Variants in AXDND1 observed in about 807,000 individuals in gnomAD.
AXDND1 encodes axonemal dynein light chain domain-containing protein 1.
A neutral mutation model predicts 137.5 loss-of-function variants in AXDND1; 110 were observed. The ratio of observed to expected loss-of-function variants is 0.80; its 90% confidence interval spans 0.69 to 0.94. The LOEUF (loss-of-function observed/expected upper bound fraction) is 0.94. Ranked by LOEUF, AXDND1 falls within the 40% of genes least tolerant of loss-of-function variation. The probability of loss-of-function intolerance (pLI) is 0.00; values close to 1 mark genes in which losing one functional copy is unlikely to be tolerated. For missense variants in AXDND1, 1,191 were observed against 1,169.8 expected (o/e 1.02, Z -0.26); for synonymous variants, 414 against 399.7 (o/e 1.04, Z -0.43).
At chr1:179,513,040 G>A (rs539180421) in intron 21 of AXDND1, among the ~76,000 whole-genome samples, 34 of 152,194 alleles carry the variant, frequency 2.2e-4, no homozygotes, top group Admixed American at 2.0e-3. Flanking sequence ...TACCAATTTG[G>A]GTGTCCTTTA....
intron 9 of AXDND1, among the ~76,000 whole-genome samples, chr1:179,389,061 A>G (rs998152982): frequency 7.9e-6 from 1 of 126,654 alleles, no homozygotes; most frequent in Non-Finnish European, 1.6e-5. Flanking sequence ...TGCAACCTCC[A>G]CCTCCGCATT....
At chr1:179,382,200 T>G (rs1648473200) in intron 6 of AXDND1, among the ~76,000 whole-genome samples, 1 of 151,946 alleles carries the variant, frequency 6.6e-6, no homozygotes, top group Non-Finnish European at 1.5e-5. Flanking sequence ...TGCCTCAGCC[T>G]CCTGAGTAGC....
chr1:179,553,896 C>T (rs34816244), intron 25 of AXDND1, among the ~76,000 whole-genome samples: 24,291 of 150,166 alleles, frequency 0.16, 2,467 homozygotes, highest in East Asian at 0.35. Context: ...CAGGCATTTG[C>T]CAACACCCCT....
At chr1:179,490,649 C>T (rs1253315816) in intron 18 of AXDND1, among the ~76,000 whole-genome samples, 1 of 152,168 alleles carries the variant, frequency 6.6e-6, no homozygotes, top group East Asian at 1.9e-4. Flanking sequence ...ATCAATACCA[C>T]TTACCAATGT....
chr1:179,436,010 C>T (rs1658099530), intron 15 of AXDND1, among the ~76,000 whole-genome samples: 1 of 151,854 alleles, frequency 6.6e-6, no homozygotes, highest in Non-Finnish European at 1.5e-5. Context: ...AATGAACAAC[C>T]CCCTCAAAAA....
intron 16 of AXDND1, 138 bp downstream of exon 16, chr1:179,445,342 G>C: frequency 1.6e-6 from 1 of 616,614 alleles, no homozygotes; most frequent in Non-Finnish European, 2.7e-6. Context: ...GCAAAGCATT[G>C]AGCATCACTT....
chr1:179,451,754 CATACACTT>C (rs1660578912), intron 16 of AXDND1: 1 of 152,800 alleles, frequency 6.5e-6, no homozygotes, highest in East Asian at 1.9e-4. Context: ...TGCCTGCTGC[CATACACTT>C]AAGATGTGAC....
chr1:179,498,657 G>A (rs1667696110), intron 20 of AXDND1, among the ~76,000 whole-genome samples: 1 of 152,084 alleles, frequency 6.6e-6, no homozygotes, highest in Admixed American at 6.6e-5. Flanking sequence ...CAGAATAGGG[G>A]AAGATATTTG....
chr1:179,410,519 C>T lies in AXDND1; in HGVS notation c.1110-627C>T, dbSNP rs943204986. 7.9e-5 allele frequency among the ~76,000 whole-genome samples: 12 copies of T among 152,264 alleles called. No individual in the cohort carries two copies. The East Asian group carries it at 1.2e-3, about 15-fold the overall frequency. On this transcript the variant is annotated intron_variant, in intron 11 of 25. Transcript: ENST00000367618. The stretch of plus-strand genomic sequence containing the variant: ...TTGGGATTACTGGCGTGAGCCACTG[C>T]GCCCAGCCAGGAAGTCTGTTAATTT...
intron 22 of AXDND1, among the ~76,000 whole-genome samples, chr1:179,527,101 C>G (rs1670601425): frequency 6.6e-6 from 1 of 152,164 alleles, no homozygotes; most frequent in South Asian, 2.1e-4. Flanking sequence ...ACAGCTACTC[C>G]ATAGACAGAG....
chr1:179,515,766 G>T (rs1009496063), intron 21 of AXDND1, among the ~76,000 whole-genome samples: 18 of 151,936 alleles, frequency 1.2e-4, no homozygotes, highest in African/African-American at 4.3e-4. Context: ...ACAAATGAGG[G>T]TTCATTTTTT....
chr1:179,432,121 T>G (rs1034947477), intron 14 of AXDND1, 146 bp from the exon 15 acceptor site: 1 of 1,024,678 alleles, frequency 9.8e-7, no homozygotes, highest in African/African-American at 1.7e-5. Flanking sequence ...GATAAATACC[T>G]GTGGGGAGAG....
At chr1:179,528,477 T>G in intron 23 of AXDND1, 46 bp downstream of exon 23, 4 of 1,314,944 alleles carry the variant, frequency 3.0e-6, no homozygotes, top group Non-Finnish European at 4.4e-6. Context: ...TATTTAACAT[T>G]GCATAAAAAT....
At chr1:179,455,026 G>A (rs1308514498) in intron 16 of AXDND1, 1 of 151,670 alleles carries the variant, frequency 6.6e-6, no homozygotes, top group Admixed American at 6.6e-5. Flanking sequence ...AACCCAGGAG[G>A]TGGAGTTTGC....
intron 25 of AXDND1, chr1:179,551,305 T>C (rs1393197867): frequency 1.2e-6 from 2 of 1,613,848 alleles, no homozygotes; most frequent in Non-Finnish European, 1.7e-6. Flanking sequence ...ATGGCAAAGG[T>C]AAAACCACAG....
chr1:179,411,314 T>C (rs780451820), intron 12 of AXDND1, 48 bp downstream of exon 12: 2 of 1,590,044 alleles, frequency 1.3e-6, no homozygotes, highest in Non-Finnish European at 1.7e-6. Flanking sequence ...TGGCTAAAGA[T>C]TCATTCTACA....
At position 179,377,645 on chromosome 1, in the gene AXDND1, C is replaced by T. The variant is rs144547090; in HGVS notation, c.375-992C>T. ...TATTTTGAAATAATTTAAAGACTCA[C>T]AGAAAAGTTGCAAATGTGATCAACC... On this transcript the variant is annotated intron_variant, in intron 4 of 25. Transcript: ENST00000367618. 6.3e-3 allele frequency among the ~76,000 whole-genome samples: 953 copies of T among 152,238 alleles called. 11 individuals carry two copies. Among genetic ancestry groups the T allele is most frequent in the African/African-American group, 0.022 (909 of 41,526 alleles).
chr1:179,370,309 T>A (rs1272201866), intron 4 of AXDND1, among the ~76,000 whole-genome samples: 2 of 152,218 alleles, frequency 1.3e-5, no homozygotes, highest in African/African-American at 2.4e-5. Context: ...TTGGTTTAAA[T>A]TTGCTTTTTG....
chr1:179,436,671 C>A (rs933375817), intron 15 of AXDND1, among the ~76,000 whole-genome samples: 1 of 151,982 alleles, frequency 6.6e-6, no homozygotes, highest in African/African-American at 2.4e-5. Flanking sequence ...AGGGGAAAAA[C>A]CACACACTGG....
Sources: gnomAD v4.1 joint callset for allele counts (sites outside exome capture counted in the v4.1 genomes callset) on GRCh38, gnomAD v4.1.1 for gene constraint, MANE v1.5 for transcripts, NCBI Gene and HGNC (gene_info 2026-07-23, HGNC 2026-07-21) for gene names.